PLPPR5: variants seen among roughly 807,000 people sequenced by gnomAD.
The protein encoded by PLPPR5 is phospholipid phosphatase related 5.
Under a neutral mutation model 33.9 loss-of-function variants are expected in PLPPR5, and 16 were observed. The ratio of observed to expected loss-of-function variants is 0.47; its 90% CI spans 0.32 to 0.72. The LOEUF (loss-of-function observed/expected upper bound fraction) is 0.72, where lower values mean the gene tolerates loss of function less well. PLPPR5 is among the 30% of genes least tolerant of loss of function. PLPPR5 has a pLI of 0.03. For synonymous variants in PLPPR5, 163 were observed against 150.3 expected, an observed-to-expected ratio of 1.08 and a Z score of -0.62; for missense variants, 301 against 406.7, an observed-to-expected ratio of 0.74 and a Z score of 2.23.
At chr1:98,893,215 G>A (rs1648348183) in intron 5 of PLPPR5, 111 bp from the exon 6 acceptor site, 2 of 942,354 alleles carry the variant, frequency 2.1e-6, no homozygotes, top group Non-Finnish European at 3.1e-6. Context: ...TGTTGAAGTT[G>A]CAAAACATCC....
chr1:98,988,718 C>G (rs1330267307), intron 1 of PLPPR5, among the ~76,000 whole-genome samples: 31 of 152,088 alleles, frequency 2.0e-4, no homozygotes. Context: ...ATGTAGTATA[C>G]TACTTTTCTC....
intron 5 of PLPPR5, among the ~76,000 whole-genome samples, chr1:98,909,426 AATATAC>A (rs1248284718): frequency 2.0e-5 from 3 of 151,830 alleles, no homozygotes; most frequent in African/African-American, 7.3e-5. Context: ...ATATACATTT[AATATAC>A]ATATAAAGTC....
intron 5 of PLPPR5, among the ~76,000 whole-genome samples, chr1:98,909,068 G>A (rs2101145076): frequency 6.6e-6 from 1 of 151,924 alleles, no homozygotes; most frequent in South Asian, 2.1e-4. Flanking sequence ...AGGAAAAGAA[G>A]GAAGGAAGAA....
chr1:99,001,804 T>C (rs1438814243), intron 1 of PLPPR5, among the ~76,000 whole-genome samples: 2 of 150,666 alleles, frequency 1.3e-5, no homozygotes, highest in Non-Finnish European at 3.0e-5. Flanking sequence ...CATCCTGTAA[T>C]AGAAAAACCA....
intron 1 of PLPPR5, among the ~76,000 whole-genome samples, chr1:99,000,037 G>C (rs552254788): frequency 7.9e-5 from 12 of 152,242 alleles, no homozygotes; most frequent in African/African-American, 2.9e-4. Flanking sequence ...AGCGGCCACT[G>C]TATCCAAATT....
rs570776647 is a variant in PLPPR5, at chr1:98,906,437, GT to G, written c.933+8348del. ...GGTTGGGGGCAGGTTGGCTTCTCCT[GT>G]CTTTCCATTTTACAGCCCAGGCTGA... On this transcript the variant is annotated intron_variant, in intron 5 of 5. Transcript: ENST00000263177. 3.3e-5 allele frequency among the ~76,000 whole-genome samples: 5 copies of G among 152,102 alleles called. No individual in the cohort carries two copies. In the East Asian group the frequency reaches 9.7e-4, roughly 29 times the overall value.
At chr1:98,947,983 C>A (rs1312016215) in intron 3 of PLPPR5, among the ~76,000 whole-genome samples, 2 of 152,186 alleles carry the variant, frequency 1.3e-5, no homozygotes, top group Admixed American at 1.3e-4. Flanking sequence ...AGAGGAATGG[C>A]CTTCTGATGG....
intron 1 of PLPPR5, among the ~76,000 whole-genome samples, chr1:98,987,677 C>A (rs920075293): frequency 3.3e-5 from 5 of 151,832 alleles, no homozygotes; most frequent in Non-Finnish European, 4.4e-5. Flanking sequence ...TTAGATCACA[C>A]CATGGGACTG....
intron 1 of PLPPR5, among the ~76,000 whole-genome samples, chr1:98,979,089 G>A (rs544330667): frequency 6.6e-6 from 1 of 152,128 alleles, no homozygotes; most frequent in East Asian, 1.9e-4. Flanking sequence ...AACAGTGACT[G>A]AGTACCTCCC....
chr1:98,998,370 G>C lies in PLPPR5; in HGVS notation c.237+6065C>G, dbSNP rs1224988248. 2.0e-5 allele frequency among the ~76,000 whole-genome samples: 3 copies of C among 152,172 alleles called. No homozygotes were observed. The East Asian group carries it at 5.8e-4, about 29-fold the overall frequency. ...TGCTTATAGCACTGTAGTAGTGTGTGTTACTGAGATGAGACACATGCCTTT... is the reference window on the plus strand; with the variant it reads ...TGCTTATAGCACTGTAGTAGTGTGTCTTACTGAGATGAGACACATGCCTTT... On this transcript the variant is annotated intron_variant, in intron 1 of 5. Coordinates refer to ENST00000263177, the MANE Select transcript of PLPPR5 (RefSeq NM_001037317.2).
At chr1:98,945,373 T>C (rs534671659) in intron 3 of PLPPR5, among the ~76,000 whole-genome samples, 1 of 152,328 alleles carries the variant, frequency 6.6e-6, no homozygotes, top group Admixed American at 6.5e-5. Flanking sequence ...TCCTAATTCA[T>C]ATTATGCATC....
At chr1:98,927,849 T>C (rs1027040748) in intron 3 of PLPPR5, among the ~76,000 whole-genome samples, 2 of 152,130 alleles carry the variant, frequency 1.3e-5, no homozygotes, top group Non-Finnish European at 2.9e-5. Context: ...AGGTTGGTGG[T>C]ATCACCCTTT....
chr1:98,945,103 A>T (rs530833187), intron 3 of PLPPR5, among the ~76,000 whole-genome samples: 2 of 152,352 alleles, frequency 1.3e-5, no homozygotes, highest in South Asian at 2.1e-4. Context: ...GTTGTTAGGC[A>T]GTCAATTGTT....
Position 98,891,266 on chromosome 1 carries a change from C to T in PLPPR5, c.*1806G>A, listed in dbSNP as rs1166428043. The T allele has an allele frequency of 6.6e-6, 1 of 151,964 alleles. No homozygotes were observed. The highest frequency in any genetic ancestry group is 1.5e-5 in the Non-Finnish European group (1 of 68,010). 9.4% of individuals were successfully genotyped at this position (151,964 alleles called of 1,614,324 possible). ...CCTAGTAGAAGTGTTTTAGCTTCCA[C>T]AGTGATAGAAATGGGCAAATAACAT... On this transcript the variant is annotated 3_prime_UTR_variant, in exon 6 of 6. Transcript: ENST00000263177.
At chr1:98,905,975 G>T (rs1161571534) in intron 5 of PLPPR5, among the ~76,000 whole-genome samples, 3 of 152,000 alleles carry the variant, frequency 2.0e-5, no homozygotes, top group Admixed American at 2.0e-4. Flanking sequence ...GATAGAGCTT[G>T]CATCCAATGT....
intron 1 of PLPPR5, among the ~76,000 whole-genome samples, chr1:98,972,762 T>A (rs190742508): frequency 6.6e-6 from 1 of 152,106 alleles, no homozygotes; most frequent in East Asian, 1.9e-4. Flanking sequence ...TTGCCTCAAG[T>A]GATGAATGAT....
chr1:98,972,250 C>T (rs369658037), intron 1 of PLPPR5, among the ~76,000 whole-genome samples: 78 of 152,192 alleles, frequency 5.1e-4, no homozygotes, highest in African/African-American at 1.2e-3. Flanking sequence ...TTCTGCAATC[C>T]AATACCAAAT....
Position 98,935,910 on chromosome 1 carries a change from C to T in PLPPR5, c.622-13852G>A, listed in dbSNP as rs557873708. 2.6e-4 allele frequency among the ~76,000 whole-genome samples: 39 copies of T among 152,218 alleles called. No individual in the cohort carries two copies. The South Asian group carries it at 7.7e-3, about 30-fold the overall frequency. On this transcript the variant is annotated intron_variant, in intron 3 of 5. Coordinates refer to ENST00000263177, the MANE Select transcript of PLPPR5 (RefSeq NM_001037317.2). ...CTACAGAGACATTCGCCACCCAGAA[C>T]GAAGTGCCCAGGGTAAGGGACCTGG...
chr1:98,910,548 A>C (rs1649080531), intron 5 of PLPPR5, among the ~76,000 whole-genome samples: 1 of 152,348 alleles, frequency 6.6e-6, no homozygotes, highest in East Asian at 1.9e-4. Context: ...CTAGTATAAA[A>C]CATTGGAATA....
Sources: allele counts gnomAD v4.1 joint callset (sites outside exome capture counted in the v4.1 genomes callset), GRCh38; gene constraint gnomAD v4.1.1; transcripts MANE v1.5; gene names NCBI Gene and HGNC (gene_info 2026-07-23, HGNC 2026-07-21).